Variants in PPP2R2B observed in about 807,000 individuals in gnomAD.
PPP2R2B encodes the protein serine/threonine-protein phosphatase 2A 55 kDa regulatory subunit B beta isoform.
In PPP2R2B, 5 loss-of-function variants were observed where a neutral mutation model predicts 46.0. The ratio of observed to expected loss-of-function variants is 0.11; its 90% CI spans 0.06 to 0.23. The LOEUF (loss-of-function observed/expected upper bound fraction) is 0.23, where lower values mean the gene tolerates loss of function less well. PPP2R2B is among the 10% of genes least tolerant of loss of function. PPP2R2B has a pLI of 1.00. For missense variants in PPP2R2B, 367 were observed against 575.0 expected (o/e 0.64, Z 3.70); for synonymous variants, 215 against 206.7 (o/e 1.04, Z -0.34).
chr5:146,887,306 T>C (rs1292338639), intron 1 of PPP2R2B, among the ~76,000 whole-genome samples: 1 of 152,116 alleles, frequency 6.6e-6, no homozygotes, highest in African/African-American at 2.4e-5. Flanking sequence ...ACAGCAGAGG[T>C]ACAATGGAAC....
chr5:146,830,601 T>C (rs925679706), intron 2 of PPP2R2B, among the ~76,000 whole-genome samples: 1 of 151,808 alleles, frequency 6.6e-6, no homozygotes, highest in African/African-American at 2.4e-5. Context: ...CTTGGCTCAC[T>C]GCAATCCCCG....
At position 146,764,800 on chromosome 5, in the gene PPP2R2B, C is replaced by CGAGAGAGA. The variant is rs67810307; in HGVS notation, c.71-63666_71-63659dup. Among the ~76,000 whole-genome samples the CGAGAGAGA allele has an allele frequency of 7.7e-3, 1,151 of 149,932 alleles. 12 individuals carry two copies. Among genetic ancestry groups the CGAGAGAGA allele is most frequent in the African/African-American group, 0.026 (1,075 of 40,704 alleles). ...GTCTCTTTATGGAACATCTCTATCCCGAGAGAGAGAGAGAGAGAGAGAGAG... is the reference window on the plus strand; with the variant it reads ...GTCTCTTTATGGAACATCTCTATCCCGAGAGAGAGAGAGAGAGAGAGAGAGAGAGAGAG... On this transcript the variant is annotated intron_variant, in intron 2 of 9. Coordinates refer to ENST00000394411, the MANE Select transcript of PPP2R2B (RefSeq NM_181675.4).
intron 6 of PPP2R2B, among the ~76,000 whole-genome samples, chr5:146,648,639 T>G (rs1775739573): frequency 6.6e-6 from 1 of 152,072 alleles, no homozygotes; most frequent in African/African-American, 2.4e-5. Flanking sequence ...GTAAAAAAAT[T>G]TCAAATCATG....
intron 2 of PPP2R2B, among the ~76,000 whole-genome samples, chr5:146,818,607 C>A (rs1758072401): frequency 2.0e-5 from 3 of 152,186 alleles, no homozygotes; most frequent in Non-Finnish European, 4.4e-5. Context: ...GTTCTATCCC[C>A]TTGCATCTTA....
chr5:146,803,013 G>T (rs900054741), intron 2 of PPP2R2B, among the ~76,000 whole-genome samples: 9 of 152,112 alleles, frequency 5.9e-5, no homozygotes, highest in African/African-American at 1.7e-4. Context: ...GTTCATGTCA[G>T]AGAAAGCAGG....
At chr5:146,907,310 C>CTACGTA (rs1190734249) in intron 1 of PPP2R2B, among the ~76,000 whole-genome samples, 7 of 152,114 alleles carry the variant, frequency 4.6e-5, no homozygotes, top group Non-Finnish European at 5.9e-5. Context: ...TATTTTAAGC[C>CTACGTA]ATCTATGTGC....
intron 1 of PPP2R2B, among the ~76,000 whole-genome samples, chr5:146,902,660 T>C (rs529498942): frequency 1.3e-5 from 2 of 152,328 alleles, no homozygotes; most frequent in South Asian, 4.1e-4. Flanking sequence ...GACAGACTAA[T>C]TGTCCCCACA....
At chr5:146,886,537 ACT>A (rs1762334300) in intron 1 of PPP2R2B, among the ~76,000 whole-genome samples, 1 of 152,002 alleles carries the variant, frequency 6.6e-6, no homozygotes, top group Admixed American at 6.5e-5. Context: ...ATCATAAACC[ACT>A]GTTACTTATG....
At chr5:146,864,391 T>C (rs1020505220) in intron 2 of PPP2R2B, among the ~76,000 whole-genome samples, 1 of 102,200 alleles carries the variant, frequency 9.8e-6, no homozygotes, top group Non-Finnish European at 1.9e-5. Flanking sequence ...ACACATAGTA[T>C]TAACCAAAAA....
Position 146,584,694 on chromosome 5 carries a change from T to C in PPP2R2B, c.*5253A>G, listed in dbSNP as rs1305132506. ...CTCAGGAAATATTGGTTTCCTTTTATTCTTTCCGTCTACTTTACACTTAAA... is the reference window on the plus strand; with the variant it reads ...CTCAGGAAATATTGGTTTCCTTTTACTCTTTCCGTCTACTTTACACTTAAA... On this transcript the variant is annotated 3_prime_UTR_variant, in exon 10 of 10. Coordinates refer to ENST00000394411, the MANE Select transcript of PPP2R2B (RefSeq NM_181675.4). The C allele has an allele frequency of 6.6e-6, 1 of 152,254 alleles. No homozygotes were observed. Among genetic ancestry groups the C allele is most frequent in the Admixed American group, 6.5e-5 (1 of 15,284 alleles). The allele number at this position is 152,254 out of a possible 1,614,324, so 9.4% of individuals were successfully genotyped here.
At chr5:147,034,872 C>G (rs1755960900) in intron 1 of PPP2R2B, among the ~76,000 whole-genome samples, 1 of 151,526 alleles carries the variant, frequency 6.6e-6, no homozygotes, top group African/African-American at 2.4e-5. Context: ...CTTTAGGAAC[C>G]AGGTAATGAT....
At chr5:146,845,313 TG>T (rs66565440) in intron 2 of PPP2R2B, among the ~76,000 whole-genome samples, 1 of 2,060 alleles carries the variant, frequency 4.9e-4, no homozygotes, top group African/African-American at 2.3e-3. Flanking sequence ...TTCTTTTTTT[TG>T]TTTTTTTTTG....
intron 5 of PPP2R2B, among the ~76,000 whole-genome samples, chr5:146,672,247 T>G (rs1007235255): frequency 6.6e-6 from 1 of 152,184 alleles, no homozygotes; most frequent in African/African-American, 2.4e-5. Context: ...TTTCGAGTCC[T>G]CAAAAGGCAA....
chr5:147,012,939 G>A (rs1580801700), intron 1 of PPP2R2B, among the ~76,000 whole-genome samples: 1 of 152,062 alleles, frequency 6.6e-6, no homozygotes, highest in Admixed American at 6.6e-5. Context: ...ACTGTGGTCT[G>A]AGAGATACCT....
At chr5:146,913,389 C>T (rs762353195) in intron 1 of PPP2R2B, among the ~76,000 whole-genome samples, 1 of 152,130 alleles carries the variant, frequency 6.6e-6, no homozygotes, top group Non-Finnish European at 1.5e-5. Flanking sequence ...GCCATCTTAG[C>T]CCACACTTTC....
chr5:146,970,067 A>C (rs1752597055), intron 1 of PPP2R2B, among the ~76,000 whole-genome samples: 1 of 152,222 alleles, frequency 6.6e-6, no homozygotes, highest in Admixed American at 6.5e-5. Flanking sequence ...TTACTCCACC[A>C]GCACCATCCA....
chr5:146,843,792 A>G (rs1759811628), intron 2 of PPP2R2B, among the ~76,000 whole-genome samples: 1 of 152,078 alleles, frequency 6.6e-6, no homozygotes, highest in Admixed American at 6.5e-5. Context: ...ATCATTTTTT[A>G]TGGCTGCATA....
intron 2 of PPP2R2B, among the ~76,000 whole-genome samples, chr5:146,726,479 T>C (rs185508361): frequency 7.4e-4 from 113 of 152,276 alleles, no homozygotes; most frequent in African/African-American, 2.6e-3. Flanking sequence ...AGTGACCATA[T>C]TTATTGAACA....
In PPP2R2B at chr5:147,005,785, G is replaced by A. The variant is rs372857165; in HGVS notation, c.79+49880C>T. ...AGACAAAGAGGGAGTCAGAAAGAGA[G>A]AAAGAGAGAGACAGACAAAGAAGAA... On this transcript the variant is annotated intron_variant, in intron 1 of 8. Transcript: ENST00000336640. 4.8e-5 allele frequency among the ~76,000 whole-genome samples: 7 copies of A among 147,166 alleles called. No homozygotes were observed. In the South Asian group the frequency reaches 1.1e-3, roughly 23 times the overall value.
Sources: gnomAD v4.1 joint callset for allele counts (sites outside exome capture counted in the v4.1 genomes callset) on GRCh38, gnomAD v4.1.1 for gene constraint, MANE v1.5 for transcripts, NCBI Gene and HGNC (gene_info 2026-07-23, HGNC 2026-07-21) for gene names.